The following CEP112 variants were observed in gnomAD, a reference collection of about 807,000 sequenced individuals.
CEP112 encodes centrosomal protein 112.
A neutral mutation model predicts 153.0 loss-of-function variants in CEP112; 127 were observed. The observed-to-expected ratio is 0.83, with a 90% CI of 0.72 to 0.96. The LOEUF is 0.96. Ranked by LOEUF, CEP112 falls within the 40% of genes least tolerant of loss-of-function variation. The pLI, the probability that CEP112 is intolerant of heterozygous loss-of-function variation, is 0.00. For missense variants in CEP112, 1,089 were observed against 1,101.2 expected, an observed-to-expected ratio of 0.99 and a Z score of 0.16; for synonymous variants, 358 against 374.4, an observed-to-expected ratio of 0.96 and a Z score of 0.51.
At chr17:65,796,449 A>G (rs1444135000) in intron 21 of CEP112, among the ~76,000 whole-genome samples, 2 of 152,202 alleles carry the variant, frequency 1.3e-5, no homozygotes, top group East Asian at 3.9e-4. Context: ...CTCATTGATC[A>G]TTACTTTAAA....
At chr17:65,840,539 A>C (rs1445902581) in intron 21 of CEP112, among the ~76,000 whole-genome samples, 1 of 152,110 alleles carries the variant, frequency 6.6e-6, no homozygotes, top group East Asian at 1.9e-4. Flanking sequence ...AAGACCTGAG[A>C]GTATGAAACT....
At chr17:65,673,968 C>T (rs2047104123) in intron 24 of CEP112, among the ~76,000 whole-genome samples, 1 of 152,294 alleles carries the variant, frequency 6.6e-6, no homozygotes, top group East Asian at 1.9e-4. Flanking sequence ...CCTCCACCTC[C>T]TGGGTTCAAG....
chr17:66,141,572 C>T (rs1157396466), intron 4 of CEP112, among the ~76,000 whole-genome samples: 2 of 152,024 alleles, frequency 1.3e-5, no homozygotes, highest in African/African-American at 2.4e-5. Flanking sequence ...CCATTTTCCC[C>T]GTCTGTAAGC....
At chr17:66,173,896 T>G (rs2072349728) in intron 4 of CEP112, among the ~76,000 whole-genome samples, 1 of 152,132 alleles carries the variant, frequency 6.6e-6, no homozygotes, top group Non-Finnish European at 1.5e-5. Flanking sequence ...CTGAAATAAT[T>G]TTATATGGAC....
At chr17:66,032,200 C>T (rs1043661515) in intron 12 of CEP112, among the ~76,000 whole-genome samples, 2 of 151,614 alleles carry the variant, frequency 1.3e-5, no homozygotes, top group African/African-American at 2.4e-5. Flanking sequence ...GGGGTTTCAC[C>T]CTGTTGGCCA....
intron 21 of CEP112, among the ~76,000 whole-genome samples, chr17:65,755,541 C>T (rs1434621369): frequency 6.6e-6 from 1 of 151,742 alleles, no homozygotes; most frequent in East Asian, 1.9e-4. Context: ...AAGGCCACTC[C>T]AGCTTTTGTT....
chr17:66,133,903 T>C (rs573814117), intron 4 of CEP112, among the ~76,000 whole-genome samples: 2 of 152,146 alleles, frequency 1.3e-5, no homozygotes, highest in Non-Finnish European at 2.9e-5. Flanking sequence ...TAATGTAAAA[T>C]GGCTGAAAAA....
intron 24 of CEP112, among the ~76,000 whole-genome samples, chr17:65,678,589 C>A (rs569450629): frequency 1.3e-5 from 2 of 152,312 alleles, no homozygotes; most frequent in South Asian, 4.1e-4. Flanking sequence ...AGCCCCAAGG[C>A]AGGCAAAGCC....
At chr17:65,796,924 C>T (rs2054958827) in intron 21 of CEP112, among the ~76,000 whole-genome samples, 1 of 149,858 alleles carries the variant, frequency 6.7e-6, no homozygotes, top group Admixed American at 6.7e-5. Flanking sequence ...CTTGGTGGTG[C>T]ACACCTGTAG....
chr17:66,092,057 T>C (rs2068154321), intron 8 of CEP112, among the ~76,000 whole-genome samples: 1 of 151,360 alleles, frequency 6.6e-6, no homozygotes, highest in Non-Finnish European at 1.5e-5. Context: ...TTTTTTTTTT[T>C]TGAGATGGGA....
intron 17 of CEP112, 122 bp from the exon 18 acceptor site, chr17:65,961,720 C>T (rs906525155): frequency 2.1e-5 from 18 of 847,364 alleles, no homozygotes; most frequent in Non-Finnish European, 3.0e-5. Context: ...CCAAATCCTA[C>T]AAAACTTCCC....
intron 20 of CEP112, among the ~76,000 whole-genome samples, chr17:65,862,039 G>T (rs1385710077): frequency 6.6e-6 from 1 of 152,144 alleles, no homozygotes. Flanking sequence ...ACAACACAAT[G>T]GGTGAATCTT....
At chr17:66,092,048 T>A (rs1250492570) in intron 8 of CEP112, among the ~76,000 whole-genome samples, 1 of 151,088 alleles carries the variant, frequency 6.6e-6, no homozygotes, top group African/African-American at 2.4e-5. Context: ...TATTTACTTT[T>A]TTTTTTTTTT....
chr17:65,641,761 A>G (rs8076381), intron 24 of CEP112, among the ~76,000 whole-genome samples: 72,386 of 151,806 alleles, frequency 0.48, 17,450 homozygotes, highest in Middle Eastern at 0.6. Flanking sequence ...ACCCCCAAAA[A>G]TCCCTACTCC....
chr17:65,837,335 C>T (rs1346239434), intron 21 of CEP112, among the ~76,000 whole-genome samples: 6 of 151,862 alleles, frequency 4.0e-5, no homozygotes, highest in Middle Eastern at 3.4e-3. Context: ...TCTTCCTGGC[C>T]GTCATCCCGT....
At chr17:65,674,370 T>C (rs1367099248) in intron 24 of CEP112, among the ~76,000 whole-genome samples, 2 of 152,190 alleles carry the variant, frequency 1.3e-5, no homozygotes, top group African/African-American at 4.8e-5. Flanking sequence ...GGAGATGACA[T>C]AAAGCAGAAG....
intron 8 of CEP112, among the ~76,000 whole-genome samples, chr17:66,071,788 A>T (rs1193412398): frequency 6.6e-6 from 1 of 152,188 alleles, no homozygotes; most frequent in Non-Finnish European, 1.5e-5. Flanking sequence ...TATAGAAAAA[A>T]GTAGAGCAAA....
intron 6 of CEP112, among the ~76,000 whole-genome samples, chr17:66,122,651 T>C (rs977333025): frequency 5.9e-5 from 9 of 152,192 alleles, no homozygotes; most frequent in African/African-American, 2.2e-4. Flanking sequence ...ATATCTAATT[T>C]GATATGACAC....
intron 23 of CEP112, among the ~76,000 whole-genome samples, chr17:65,734,210 C>T (rs543335842): frequency 6.6e-6 from 1 of 152,284 alleles, no homozygotes; most frequent in African/African-American, 2.4e-5. Context: ...TCTGATGCTT[C>T]GCAGAAAAGA....
Sources: allele counts gnomAD v4.1 joint callset (sites outside exome capture counted in the v4.1 genomes callset), GRCh38; gene constraint gnomAD v4.1.1; transcripts MANE v1.5; gene names NCBI Gene and HGNC (gene_info 2026-07-23, HGNC 2026-07-21).